PTPRG: variants seen among roughly 807,000 people sequenced by gnomAD.
The protein encoded by PTPRG is receptor-type tyrosine-protein phosphatase gamma.
PTPRG carries 102 observed loss-of-function variants against 165.3 expected under a neutral mutation model. That is an observed-to-expected ratio of 0.62 (90% CI 0.53 to 0.73). The LOEUF (loss-of-function observed/expected upper bound fraction) is 0.73. Ranked by LOEUF, PTPRG falls within the 30% of genes least tolerant of loss-of-function variation. The probability of loss-of-function intolerance (pLI) is 0.00; values close to 1 mark genes in which losing one functional copy is unlikely to be tolerated. For missense variants in PTPRG, 1,866 were observed against 1,861.4 expected, an observed-to-expected ratio of 1.00 and a Z score of -0.05; for synonymous variants, 675 against 669.5, an observed-to-expected ratio of 1.01 and a Z score of -0.13.
At chr3:62,290,238 T>A (rs1178662550) in intron 28 of PTPRG, among the ~76,000 whole-genome samples, 1 of 152,092 alleles carries the variant, frequency 6.6e-6, no homozygotes, top group Non-Finnish European at 1.5e-5. Context: ...AGAAAAGACA[T>A]TGTGTTCATG....
intron 6 of PTPRG, among the ~76,000 whole-genome samples, chr3:62,152,070 A>C (rs1212889700): frequency 6.6e-6 from 1 of 152,180 alleles, no homozygotes; most frequent in East Asian, 1.9e-4. Context: ...ATCTACATTT[A>C]TTAAGATTTT....
chr3:62,090,458 A>T (rs1316782468), intron 5 of PTPRG, among the ~76,000 whole-genome samples: 1 of 152,184 alleles, frequency 6.6e-6, no homozygotes, highest in Non-Finnish European at 1.5e-5. Flanking sequence ...GTTTAGGGTC[A>T]TATCTGAACT....
intron 2 of PTPRG, among the ~76,000 whole-genome samples, chr3:61,812,027 G>C (rs996644519): frequency 6.6e-6 from 1 of 152,168 alleles, no homozygotes; most frequent in Non-Finnish European, 1.5e-5. Context: ...TTCAAAATGT[G>C]CTTGAGGACA....
chr3:61,949,436 G>C (rs554625000), intron 2 of PTPRG, among the ~76,000 whole-genome samples: 1 of 152,302 alleles, frequency 6.6e-6, no homozygotes, highest in East Asian at 1.9e-4. Context: ...GAGAATCAGG[G>C]TCTTGAGCAT....
At chr3:61,875,657 G>C (rs1302370318) in intron 2 of PTPRG, among the ~76,000 whole-genome samples, 5 of 151,698 alleles carry the variant, frequency 3.3e-5, no homozygotes, top group Non-Finnish European at 7.4e-5. Context: ...ACACACACAC[G>C]GCACACACAC....
chr3:62,085,025 G>T (rs551482005), intron 5 of PTPRG, among the ~76,000 whole-genome samples: 1 of 152,168 alleles, frequency 6.6e-6, no homozygotes, highest in African/African-American at 2.4e-5. Flanking sequence ...AGGGGGTAGA[G>T]CCTGAGACTA....
intron 1 of PTPRG, among the ~76,000 whole-genome samples, chr3:61,662,695 A>G (rs890056133): frequency 6.6e-6 from 1 of 152,202 alleles, no homozygotes; most frequent in Non-Finnish European, 1.5e-5. Flanking sequence ...TGCCCTTGGA[A>G]TGGGGTCCAA....
At chr3:61,902,838 G>A (rs1234638814) in intron 2 of PTPRG, among the ~76,000 whole-genome samples, 1 of 152,094 alleles carries the variant, frequency 6.6e-6, no homozygotes, top group Non-Finnish European at 1.5e-5. Context: ...GAACAAAATA[G>A]TACATAGATC....
intron 8 of PTPRG, among the ~76,000 whole-genome samples, chr3:62,176,626 C>T (rs1705436745): frequency 6.6e-6 from 1 of 152,032 alleles, no homozygotes. Flanking sequence ...ATCTGCTTGG[C>T]TTTTATCTAT....
chr3:61,888,210 TG>T (rs1575755415), intron 2 of PTPRG, among the ~76,000 whole-genome samples: 1 of 152,160 alleles, frequency 6.6e-6, no homozygotes, highest in East Asian at 1.9e-4. Flanking sequence ...TGTGTGTGTG[TG>T]TGTGTGTGTG....
rs1216473779 is a variant in PTPRG, at chr3:62,214,409, A to G, written c.2156-4442A>G. 6.6e-6 allele frequency among the ~76,000 whole-genome samples: 1 copy of G among 152,216 alleles called. No homozygotes were observed. The highest frequency in any genetic ancestry group is 1.5e-5 in the Non-Finnish European group (1 of 68,028). On this transcript the variant is annotated intron_variant, in intron 12 of 29. Transcript: ENST00000474889. The surrounding 1 kb of genome is among the most constrained non-coding windows in gnomAD (Gnocchi z 5.2). ...CCAGGCAACATTCTAAGTGTTTTGT[A>G]TGCATTAACTCATTTAATCTTCATC...
intron 2 of PTPRG, among the ~76,000 whole-genome samples, chr3:61,945,435 T>A (rs1317870519): frequency 6.6e-6 from 1 of 151,798 alleles, no homozygotes; most frequent in African/African-American, 2.4e-5. Context: ...GGTAGGCGCC[T>A]ATAATCCCAG....
intron 21 of PTPRG, 141 bp from the exon 22 acceptor site, chr3:62,272,805 C>T: frequency 1.0e-6 from 1 of 986,582 alleles, no homozygotes; most frequent in Non-Finnish European, 1.4e-6. Flanking sequence ...CCACTGCACT[C>T]CAGCCTGGGC....
rs1337082167 is a variant in PTPRG at position 62,295,336 on chromosome 3, T to G, written c.*2029T>G. 2 of 152,088 alleles carry G rather than the reference T, an allele frequency of 1.3e-5. No individual in the cohort carries two copies. Among genetic ancestry groups the G allele is most frequent in the African/African-American group, 4.8e-5 (2 of 41,424 alleles). 9.4% of individuals were successfully genotyped at this position (152,088 alleles called of 1,614,324 possible). ...TCTTTTTTTAGTCAATTAAGTGGGT[T>G]GTTTTAGATGTATAGAGTATTGATA... is the stretch of plus-strand genomic sequence containing the variant. On this transcript the variant is annotated 3_prime_UTR_variant, in exon 30 of 30. Transcript: ENST00000474889.
intron 2 of PTPRG, among the ~76,000 whole-genome samples, chr3:61,874,629 A>G (rs1261473965): frequency 6.6e-6 from 1 of 152,144 alleles, no homozygotes; most frequent in Non-Finnish European, 1.5e-5. Context: ...CTCCCTGGAA[A>G]TATTTGGCAA....
rs919072586 is a variant in PTPRG at position 62,213,104 on chromosome 3, G to A, written c.2156-5747G>A. ...CTCAGTTCTGCTGGACCCTTCAGGA[G>A]GCAGCTAGGTTACCAGCAAAGCTCC... On this transcript the variant is annotated intron_variant, in intron 12 of 29. Coordinates refer to ENST00000474889, the MANE Select transcript of PTPRG (RefSeq NM_002841.4). This position sits in a 1 kb window ranked among gnomAD's most constrained non-coding sequence, Gnocchi z 4.4. Among the ~76,000 whole-genome samples the A allele has an allele frequency of 2.0e-5, 3 of 152,150 alleles. No homozygotes were observed. The highest frequency in any genetic ancestry group is 7.2e-5 in the African/African-American group (3 of 41,452).
At chr3:61,793,346 C>G (rs1575668023) in intron 2 of PTPRG, among the ~76,000 whole-genome samples, 1 of 152,240 alleles carries the variant, frequency 6.6e-6, no homozygotes, top group East Asian at 1.9e-4. Context: ...GGCTAATGAG[C>G]ATCTTTTCTG....
At chr3:62,123,375 A>T (rs1703153508) in intron 5 of PTPRG, among the ~76,000 whole-genome samples, 1 of 152,182 alleles carries the variant, frequency 6.6e-6, no homozygotes, top group South Asian at 2.1e-4. Flanking sequence ...CCTCTGGGGT[A>T]GCTAGGACTA....
intron 2 of PTPRG, among the ~76,000 whole-genome samples, chr3:61,928,534 A>C (rs766502558): frequency 2.6e-5 from 4 of 152,184 alleles, no homozygotes; most frequent in Non-Finnish European, 5.9e-5. Context: ...GATTTCATGG[A>C]TGGGGCCAGT....
Sources: gnomAD v4.1 joint callset for allele counts (sites outside exome capture counted in the v4.1 genomes callset) on GRCh38, gnomAD v4.1.1 for gene constraint, Gnocchi (gnomAD v3.1) non-coding constraint, MANE v1.5 for transcripts, NCBI Gene and HGNC (gene_info 2026-07-23, HGNC 2026-07-21) for gene names.